CNTNAP2: variants seen among roughly 807,000 people sequenced by gnomAD.
The protein encoded by CNTNAP2 is contactin-associated protein-like 2.
A neutral mutation model predicts 155.2 loss-of-function variants in CNTNAP2; 98 were observed. The ratio of observed to expected loss-of-function variants is 0.63; its 90% CI spans 0.54 to 0.75. CNTNAP2 has a LOEUF of 0.75. CNTNAP2 is among the 30% of genes least tolerant of loss of function. The pLI is 0.00. For missense variants in CNTNAP2, 1,727 were observed against 1,688.1 expected (o/e 1.02, Z -0.40); for synonymous variants, 651 against 631.2 (o/e 1.03, Z -0.47).
chr7:147,649,724 G>A (rs1278231989), intron 13 of CNTNAP2, among the ~76,000 whole-genome samples: 1 of 151,832 alleles, frequency 6.6e-6, no homozygotes, highest in African/African-American at 2.4e-5. Flanking sequence ...ATAAAAGATT[G>A]TAAAAATGAA....
intron 12 of CNTNAP2, among the ~76,000 whole-genome samples, chr7:147,596,974 T>C (rs1241092239): frequency 6.7e-6 from 1 of 148,704 alleles, no homozygotes; most frequent in African/African-American, 2.5e-5. Flanking sequence ...CTATATGGTC[T>C]AAAGAAGGGA....
intron 1 of CNTNAP2, among the ~76,000 whole-genome samples, chr7:146,215,415 A>C (rs1799097541): frequency 6.6e-6 from 1 of 152,120 alleles, no homozygotes. Flanking sequence ...TAATTAACCC[A>C]TCCACCTTAT....
chr7:146,138,910 A>G (rs1325964110), intron 1 of CNTNAP2, among the ~76,000 whole-genome samples: 1 of 152,144 alleles, frequency 6.6e-6, no homozygotes, highest in African/African-American at 2.4e-5. Flanking sequence ...CTTATCAAAT[A>G]TATGCTCCCC....
chr7:148,044,430 A>G (rs1802736828), intron 15 of CNTNAP2, among the ~76,000 whole-genome samples: 2 of 152,106 alleles, frequency 1.3e-5, no homozygotes, highest in Non-Finnish European at 2.9e-5. Context: ...CTATAGTCTG[A>G]ATGTCTCTAT....
intron 8 of CNTNAP2, among the ~76,000 whole-genome samples, chr7:147,291,155 T>C (rs1805300363): frequency 6.6e-6 from 1 of 152,026 alleles, no homozygotes; most frequent in Non-Finnish European, 1.5e-5. Flanking sequence ...TTTATTCTTT[T>C]TTTAAATTTT....
At chr7:147,523,596 A>T (rs1429278854) in intron 11 of CNTNAP2, among the ~76,000 whole-genome samples, 1 of 152,090 alleles carries the variant, frequency 6.6e-6, no homozygotes, top group African/African-American at 2.4e-5. Flanking sequence ...TCTTCCAGGA[A>T]GCTCCCTCCA....
intron 3 of CNTNAP2, among the ~76,000 whole-genome samples, chr7:146,926,823 G>A (rs1045463262): frequency 6.6e-6 from 1 of 151,958 alleles, no homozygotes; most frequent in Non-Finnish European, 1.5e-5. Flanking sequence ...CCAAAAATAT[G>A]GAAATCACTT....
intron 4 of CNTNAP2, 32 bp from the exon 5 acceptor site, chr7:147,108,115 G>C: frequency 6.4e-7 from 1 of 1,573,940 alleles, no homozygotes; most frequent in Non-Finnish European, 8.7e-7. Flanking sequence ...ATACATGGCT[G>C]AACTAATATG....
chr7:147,888,590 G>T (rs10278677), intron 13 of CNTNAP2, among the ~76,000 whole-genome samples: 6,106 of 151,576 alleles, frequency 0.04, 261 homozygotes, highest in East Asian at 0.16. Flanking sequence ...TTAAGATTCA[G>T]ATTAAGGCAT....
intron 3 of CNTNAP2, among the ~76,000 whole-genome samples, chr7:146,947,402 CT>C (rs1797199893): frequency 7.6e-6 from 1 of 131,576 alleles, no homozygotes; most frequent in Non-Finnish European, 1.6e-5. Flanking sequence ...CTCTCTCTCT[CT>C]CTCTCTCTAT....
chr7:147,003,199 T>C (rs150889844), intron 3 of CNTNAP2, among the ~76,000 whole-genome samples: 8 of 152,114 alleles, frequency 5.3e-5, no homozygotes, highest in African/African-American at 1.7e-4. Flanking sequence ...TTGACAGCTG[T>C]ATAGCATGAC....
At chr7:146,121,956 C>A (rs981888104) in intron 1 of CNTNAP2, among the ~76,000 whole-genome samples, 3 of 152,166 alleles carry the variant, frequency 2.0e-5, no homozygotes, top group African/African-American at 7.2e-5. Flanking sequence ...TTTCCCATCT[C>A]CTGGGCTCTG....
chr7:146,828,156 A>G (rs1803442841), intron 2 of CNTNAP2, among the ~76,000 whole-genome samples: 1 of 152,058 alleles, frequency 6.6e-6, no homozygotes, highest in Non-Finnish European at 1.5e-5. Flanking sequence ...TGCTGAATGA[A>G]TGAACCAGGA....
At chr7:147,130,903 C>T (rs1172337196) in intron 7 of CNTNAP2, among the ~76,000 whole-genome samples, 3 of 151,770 alleles carry the variant, frequency 2.0e-5, no homozygotes, top group Admixed American at 6.6e-5. Context: ...TCAGTAAAAG[C>T]GAGCATTTAA....
rs1443013925 is a variant in CNTNAP2 at position 147,476,897 on chromosome 7, C to CGGCCTGG, written c.1671-9036_1671-9030dup. Among the ~76,000 whole-genome samples, 9 of 149,256 alleles carry CGGCCTGG rather than the reference C, an allele frequency of 6.0e-5. No individual in the cohort carries two copies. In the Admixed American group the frequency reaches 6.0e-4, roughly 10 times the overall value. ...GAGCTGAGATCATCCCACTGCTCTC[C>CGGCCTGG]GGCCTGGGTGACAGAGCGAGACTCT... On this transcript the variant is annotated intron_variant, in intron 10 of 23. Transcript: ENST00000361727.
chr7:147,772,473 TATATATATATAC>T (rs1194236362), intron 13 of CNTNAP2, among the ~76,000 whole-genome samples: 7 of 107,152 alleles, frequency 6.5e-5, no homozygotes, highest in African/African-American at 1.2e-4. Flanking sequence ...TATATATATA[TATATATATATAC>T]ACACACAAAA....
chr7:147,423,385 A>G lies in CNTNAP2; in HGVS notation c.1670+27605A>G, dbSNP rs564409487. 7.9e-5 allele frequency among the ~76,000 whole-genome samples: 12 copies of G among 152,340 alleles called. No homozygotes were observed. The Middle Eastern group carries it at 0.01, about 130-fold the overall frequency. ...GAAAAACCTGATTAAAATGCTTAAT[A>G]TGATGAACAGACCTTGAATAATCTT... On this transcript the variant is annotated intron_variant, in intron 10 of 23. Transcript: ENST00000361727.
intron 9 of CNTNAP2, among the ~76,000 whole-genome samples, chr7:147,378,932 T>G (rs1437023723): frequency 2.0e-5 from 3 of 152,052 alleles, no homozygotes; most frequent in Non-Finnish European, 4.4e-5. Context: ...AATCCCTACA[T>G]GTCGTGGGAG....
At chr7:147,064,878 G>T (rs1353758079) in intron 4 of CNTNAP2, among the ~76,000 whole-genome samples, 1 of 152,094 alleles carries the variant, frequency 6.6e-6, no homozygotes, top group Non-Finnish European at 1.5e-5. Flanking sequence ...AGACTGTGAA[G>T]CCCACATCAA....
Sources: allele counts gnomAD v4.1 joint callset (sites outside exome capture counted in the v4.1 genomes callset), GRCh38; gene constraint gnomAD v4.1.1; transcripts MANE v1.5; gene names NCBI Gene and HGNC (gene_info 2026-07-23, HGNC 2026-07-21).